TMPRSS9: variants seen among roughly 807,000 people sequenced by gnomAD.
The protein encoded by TMPRSS9 is transmembrane serine protease 9, also known as transmembrane protease serine 9.
A neutral mutation model predicts 111.4 loss-of-function variants in TMPRSS9; 113 were observed. The ratio of observed to expected loss-of-function variants is 1.01; its 90% CI spans 0.87 to 1.19. TMPRSS9 has a LOEUF of 1.19. Ranked by LOEUF, TMPRSS9 falls within the 50% of genes most tolerant of loss-of-function variation. The pLI is 0.00. For synonymous variants in TMPRSS9, 805 were observed against 659.1 expected (o/e 1.22, Z -3.39); for missense variants, 1,803 against 1,513.1 (o/e 1.19, Z -3.18).
intron 13 of TMPRSS9, 123 bp from the exon 15 acceptor site, chr19:2,421,731 G>A (rs1251372353): frequency 1.6e-5 from 17 of 1,077,046 alleles, no homozygotes; most frequent in South Asian, 6.3e-5. Context: ...CCAGACCCGC[G>A]CTGTGCCCTC....
chr19:2,416,836 G>A lies in TMPRSS9; in HGVS notation c.2017+27G>A, dbSNP rs778322087. The A allele has an allele frequency of 2.7e-5, 42 of 1,581,458 alleles. 1 individual carries two copies. Among genetic ancestry groups the A allele is most frequent in the Middle Eastern group, 1.7e-4 (1 of 5,980 alleles). ...TGAGCGCTGCCCCATCGAGGGGAAC[G>A]GTGGATTTATTCTCCAGGGCCTGGC... On this transcript the variant is annotated intron_variant, in intron 12 of 17. Transcript: ENST00000648592.
intron 1 of TMPRSS9, among the ~76,000 whole-genome samples, chr19:2,384,544 G>A (rs1265101094): frequency 1.3e-5 from 2 of 152,016 alleles, no homozygotes; most frequent in African/African-American, 2.4e-5. Context: ...GGTCAGGCGC[G>A]GTGGCTCACG....
exon 3 of TMPRSS9, chr19:2,398,849 G>C (rs1970765533): frequency 6.6e-7 from 1 of 1,516,998 alleles, no homozygotes; most frequent in Non-Finnish European, 8.8e-7. Flanking sequence ...GGGTTGCTCG[G>C]TACTGAATTA....
At chr19:2,416,461 T>C in intron 11 of TMPRSS9, 77 bp from the exon 13 acceptor site, 1 of 1,523,358 alleles carries the variant, frequency 6.6e-7, no homozygotes, top group Non-Finnish European at 8.8e-7. Context: ...CCTGGGGGTG[T>C]GCATCAGCCC....
chr19:2,426,121 G>A lies in TMPRSS9; in HGVS notation c.*33G>A, dbSNP rs781382231. 7.3e-5 allele frequency: 110 copies of A among 1,513,368 alleles called. No individual in the cohort carries two copies. In the East Asian group the frequency reaches 2.8e-3, roughly 38 times the overall value. 93.7% of individuals were successfully genotyped at this position (1,513,368 alleles called of 1,614,324 possible). A position where few individuals can be genotyped will look rare whatever the true frequency, so the allele number is the denominator to read the frequency against. ...GTGACTGCCCAGGCCGAGACTCTAC[G>A]TGAAAGCAACAGGAGCAGCAGGCCA... On this transcript the variant is annotated 3_prime_UTR_variant, in exon 18 of 18. Coordinates refer to ENST00000648592, the Ensembl canonical transcript of TMPRSS9.
chr19:2,384,724 A>G (rs1359688315), intron 1 of TMPRSS9, among the ~76,000 whole-genome samples: 1 of 151,112 alleles, frequency 6.6e-6, no homozygotes, highest in Admixed American at 6.6e-5. Context: ...CGGAGTCAGG[A>G]GAATGGTGTG....
intron 13 of TMPRSS9, among the ~76,000 whole-genome samples, chr19:2,419,953 T>C (rs2145409347): frequency 6.6e-6 from 1 of 152,096 alleles, no homozygotes; most frequent in East Asian, 1.9e-4. Flanking sequence ...GAGGCCAGGA[T>C]TGCAAGACCA....
intron 9 of TMPRSS9, among the ~76,000 whole-genome samples, chr19:2,412,019 CTG>C (rs1469895530): frequency 6.6e-6 from 1 of 152,050 alleles, no homozygotes; most frequent in African/African-American, 2.4e-5. Context: ...TTGTGGTTAA[CTG>C]TATTTCAGGC....
intron 1 of TMPRSS9, among the ~76,000 whole-genome samples, chr19:2,384,650 C>T (rs1422576243): frequency 6.6e-6 from 1 of 151,658 alleles, no homozygotes; most frequent in African/African-American, 2.4e-5. Context: ...CCCGTCTCTA[C>T]TAAAAATACA....
At chr19:2,407,383 G>A (rs149658907) in intron 7 of TMPRSS9, among the ~76,000 whole-genome samples, 5 of 151,392 alleles carry the variant, frequency 3.3e-5, no homozygotes, top group South Asian at 2.1e-4. Flanking sequence ...AAAATTAGTC[G>A]GGCATAGGGG....
intron 1 of TMPRSS9, among the ~76,000 whole-genome samples, chr19:2,395,793 G>C (rs186196856): frequency 1.3e-5 from 2 of 152,126 alleles, no homozygotes; most frequent in Admixed American, 1.3e-4. Flanking sequence ...GGATCACGAG[G>C]TCAGGAGATA....
intron 7 of TMPRSS9, 66 bp downstream of exon 8, chr19:2,405,611 TG>T: frequency 2.8e-6 from 4 of 1,409,468 alleles, no homozygotes; most frequent in Non-Finnish European, 3.7e-6. Context: ...CCTCGTGCAC[TG>T]GGGACGTCAC....
At chr19:2,411,817 G>A (rs1017520077) in intron 9 of TMPRSS9, among the ~76,000 whole-genome samples, 1 of 152,160 alleles carries the variant, frequency 6.6e-6, no homozygotes, top group African/African-American at 2.4e-5. Flanking sequence ...CTCCCAAAGT[G>A]CTAGGATTAC....
chr19:2,382,902 C>A (rs10405937), intron 1 of TMPRSS9, among the ~76,000 whole-genome samples: 1 of 151,936 alleles, frequency 6.6e-6, no homozygotes, highest in Non-Finnish European at 1.5e-5. Context: ...GGCCAGAGAC[C>A]TAGGGAAGAG....
At position 2,394,595 on chromosome 19, in the gene TMPRSS9, G is replaced by T. The variant is rs960807674; in HGVS notation, c.143-1944G>T. Among the ~76,000 whole-genome samples, 19 of 13,360 alleles carry T rather than the reference G, an allele frequency of 1.4e-3. No homozygotes were observed. In the East Asian group the frequency reaches 0.25, roughly 176 times the overall value. The allele number at this position is 13,360 out of a possible 152,430, so 8.8% of individuals were successfully genotyped here. A position where few individuals can be genotyped will look rare whatever the true frequency, so the allele number is the denominator to read the frequency against. ...TCAGTCCGCCCACCAGGGTGCTCGTGTTTCTTTAGTTTCTTGAACGAGAAA... is the reference window on the plus strand; with the variant it reads ...TCAGTCCGCCCACCAGGGTGCTCGTTTTTCTTTAGTTTCTTGAACGAGAAA... On this transcript the variant is annotated intron_variant, in intron 1 of 17. Transcript: ENST00000648592.
intron 1 of TMPRSS9, among the ~76,000 whole-genome samples, chr19:2,363,789 A>AGTGT (rs1195621397): frequency 1.1e-4 from 10 of 90,766 alleles, no homozygotes; most frequent in South Asian, 3.3e-4. Flanking sequence ...TCTGTGTGTG[A>AGTGT]GTGTGTGTGT....
intron 2 of TMPRSS9, among the ~76,000 whole-genome samples, chr19:2,397,726 C>T (rs1970739729): frequency 6.6e-6 from 1 of 151,602 alleles, no homozygotes; most frequent in Non-Finnish European, 1.5e-5. Flanking sequence ...TTGAGACCAG[C>T]CTGAGCAACA....
rs1326722264 is a variant in TMPRSS9, at chr19:2,420,423, C to A, written c.2155-1431C>A. On this transcript the variant is annotated intron_variant, in intron 13 of 17. Transcript: ENST00000648592. Reference sequence around the variant, plus strand: ...TGTCACTGCACTCCAGCCCGGGCAACAGAGTGAGACTCCACCTCAAAAAAA... The same window carrying A: ...TGTCACTGCACTCCAGCCCGGGCAAAAGAGTGAGACTCCACCTCAAAAAAA... Among the ~76,000 whole-genome samples the A allele has an allele frequency of 3.1e-5, 4 of 127,436 alleles. No homozygotes were observed. The Admixed American group carries it at 3.8e-4, about 12-fold the overall frequency. 83.6% of individuals were successfully genotyped at this position (127,436 alleles called of 152,430 possible).
At chr19:2,393,505 G>C (rs914272667) in intron 1 of TMPRSS9, among the ~76,000 whole-genome samples, 1 of 152,188 alleles carries the variant, frequency 6.6e-6, no homozygotes, top group Non-Finnish European at 1.5e-5. Context: ...AACACTCAGC[G>C]TGAGGATCCG....
Sources: gnomAD v4.1 joint callset for allele counts (sites outside exome capture counted in the v4.1 genomes callset) on GRCh38, gnomAD v4.1.1 for gene constraint, MANE v1.5 for transcripts, NCBI Gene and HGNC (gene_info 2026-07-23, HGNC 2026-07-21) for gene names.